PIK3C2G: variants seen among roughly 807,000 people sequenced by gnomAD.
The protein encoded by PIK3C2G is phosphatidylinositol 3-kinase C2 domain-containing subunit gamma.
PIK3C2G carries 168 observed loss-of-function variants against 181.1 expected under a neutral mutation model. The observed-to-expected ratio is 0.93, with a 90% CI of 0.82 to 1.05. The LOEUF (loss-of-function observed/expected upper bound fraction) is 1.05, where lower values mean the gene tolerates loss of function less well. PIK3C2G is among the 50% of genes least tolerant of loss of function. PIK3C2G has a pLI of 0.00. For synonymous variants in PIK3C2G, 573 were observed against 592.2 expected, an observed-to-expected ratio of 0.97 and a Z score of 0.47; for missense variants, 1,869 against 1,732.8, an observed-to-expected ratio of 1.08 and a Z score of -1.40.
chr12:18,435,652 C>T (rs1387635943), intron 18 of PIK3C2G, among the ~76,000 whole-genome samples: 1 of 152,038 alleles, frequency 6.6e-6, no homozygotes, highest in Non-Finnish European at 1.5e-5. Flanking sequence ...ATCTTGTAAG[C>T]CTTTCTACAT....
At chr12:18,354,397 GCTCCCCTGTGGGAGGTGT>G (rs1249650011) in intron 11 of PIK3C2G, among the ~76,000 whole-genome samples, 1 of 152,194 alleles carries the variant, frequency 6.6e-6, no homozygotes, top group East Asian at 1.9e-4. Context: ...AAGGGAGCTG[GCTCCCCTGTGGGAGGTGT>G]CTCTGGGGTT....
the PIK3C2G span, chr12:18,683,767 T>C: frequency 1.8e-6 from 1 of 565,354 alleles, no homozygotes. Flanking sequence ...GCTCCCAATC[T>C]CTTCTCCTCA....
At chr12:18,369,007 G>A (rs1436232284) in intron 12 of PIK3C2G, among the ~76,000 whole-genome samples, 1 of 152,160 alleles carries the variant, frequency 6.6e-6, no homozygotes, top group East Asian at 1.9e-4. Context: ...GTGAACCTCA[G>A]TCCGCACCTT....
chr12:18,550,934 C>T (rs1257100642), intron 26 of PIK3C2G, among the ~76,000 whole-genome samples: 2 of 152,034 alleles, frequency 1.3e-5, no homozygotes, highest in Non-Finnish European at 2.9e-5. Context: ...ACAGCTTTTT[C>T]CTGCCTCTTG....
At chr12:18,563,087 A>G (rs1049450285) in intron 27 of PIK3C2G, among the ~76,000 whole-genome samples, 195 bp downstream of exon 27, 7 of 152,242 alleles carry the variant, frequency 4.6e-5, no homozygotes, top group Non-Finnish European at 8.8e-5. Context: ...TGAGTAGAGA[A>G]CCATCAAAGA....
At chr12:18,693,321 G>T in the PIK3C2G span, 185 of 1,546,316 alleles carry the variant, frequency 1.2e-4, 1 homozygote, top group African/African-American at 2.4e-3. Flanking sequence ...GGCCCCCCAA[G>T]AGACCTATGC....
At chr12:18,679,739 T>C in the PIK3C2G span, among the ~76,000 whole-genome samples, 1 of 151,928 alleles carries the variant, frequency 6.6e-6, no homozygotes, top group East Asian at 1.9e-4. Context: ...GCGAGAAGAA[T>C]GGAAAAGATG....
At chr12:18,416,737 C>A (rs919851596) in intron 16 of PIK3C2G, among the ~76,000 whole-genome samples, 7 of 152,150 alleles carry the variant, frequency 4.6e-5, no homozygotes, top group African/African-American at 1.7e-4. Context: ...AAAAAAGATT[C>A]TTTTCAAAAT....
upstream of PIK3C2G, among the ~76,000 whole-genome samples, chr12:18,258,335 A>G (rs2136981590): frequency 6.6e-6 from 1 of 152,154 alleles, no homozygotes; most frequent in Non-Finnish European, 1.5e-5. Context: ...CAAGTATACA[A>G]TACATTGCTT....
In PIK3C2G at chr12:18,609,586, A is replaced by C; in HGVS notation, c.4139A>C (p.Glu1380Ala). The C allele has an allele frequency of 1.9e-6, 3 of 1,588,168 alleles. No individual in the cohort carries two copies. Among genetic ancestry groups the C allele is most frequent in the Non-Finnish European group, 2.6e-6 (3 of 1,165,588 alleles). Residue 1380 changes from glutamate to alanine, a missense_variant, in exon 31 of 33, where the codon GAG (glutamate) becomes GCG (alanine). Transcript: ENST00000538779. ...AAGGTGCAGTTAGTCATATCCTACGAGGATGTGAAGCTGACCATACTAGTG... is the reference window on the plus strand; with the variant it reads ...AAGGTGCAGTTAGTCATATCCTACGCGGATGTGAAGCTGACCATACTAGTG... ...KPKVQLVISYEDVKLTILVKH... is the reference protein window; with the variant it reads ...KPKVQLVISYADVKLTILVKH...
intron 18 of PIK3C2G, 71 bp from the exon 19 acceptor site, chr12:18,488,378 C>A (rs1311047700): frequency 2.0e-6 from 2 of 1,025,396 alleles, no homozygotes; most frequent in East Asian, 2.9e-5. Context: ...AATGCACTTA[C>A]TGTTCCGGCT....
At chr12:18,578,176 A>C (rs779268672) in intron 29 of PIK3C2G, among the ~76,000 whole-genome samples, 1 of 152,118 alleles carries the variant, frequency 6.6e-6, no homozygotes, top group African/African-American at 2.4e-5. Flanking sequence ...GGGAAACTCT[A>C]CCCCAGAAAG....
chr12:18,721,940 C>T, the PIK3C2G span, among the ~76,000 whole-genome samples: 1 of 151,964 alleles, frequency 6.6e-6, no homozygotes, highest in East Asian at 1.9e-4. Flanking sequence ...TTATTGTGGC[C>T]TATAAGAACC....
At chr12:18,361,598 T>G (rs924153103) in intron 11 of PIK3C2G, among the ~76,000 whole-genome samples, 1 of 152,148 alleles carries the variant, frequency 6.6e-6, no homozygotes, top group Non-Finnish European at 1.5e-5. Context: ...ACCTTTCATA[T>G]GAGCACATCT....
chr12:18,588,008 T>G (rs1352863695), intron 29 of PIK3C2G, among the ~76,000 whole-genome samples: 1 of 151,870 alleles, frequency 6.6e-6, no homozygotes, highest in Non-Finnish European at 1.5e-5. Context: ...GGGAAAGCAC[T>G]CCCTATTCAA....
At chr12:18,319,657 C>G (rs981897206) in intron 6 of PIK3C2G, among the ~76,000 whole-genome samples, 3 of 152,132 alleles carry the variant, frequency 2.0e-5, no homozygotes, top group African/African-American at 7.2e-5. Flanking sequence ...AAAGATGTAA[C>G]TAAGTATATT....
chr12:18,534,815 G>GAA (rs148775105), intron 24 of PIK3C2G, among the ~76,000 whole-genome samples: 18 of 123,752 alleles, frequency 1.5e-4, no homozygotes, highest in African/African-American at 2.3e-4. Context: ...AGAGAGAGAT[G>GAA]AAAAAAAAAA....
rs181106027 is a variant in PIK3C2G at position 18,548,821 on chromosome 12, T to G, written c.3590+2389T>G. Reference sequence around the variant, plus strand: ...TCATTTCTCAGTTCAATAATTTTCCTTGGTGTGCCATCTCCTGTCTCTCAC... The same window carrying G: ...TCATTTCTCAGTTCAATAATTTTCCGTGGTGTGCCATCTCCTGTCTCTCAC... On this transcript the variant is annotated intron_variant, in intron 26 of 32. Transcript: ENST00000538779. Among the ~76,000 whole-genome samples, 522 of 152,176 alleles carry G rather than the reference T, an allele frequency of 3.4e-3. 4 individuals are homozygous for G. Among genetic ancestry groups the G allele is most frequent in the African/African-American group, 0.012 (494 of 41,564 alleles).
chr12:18,627,528 A>G (rs1230256207), intron 31 of PIK3C2G, among the ~76,000 whole-genome samples: 1 of 152,092 alleles, frequency 6.6e-6, no homozygotes, highest in East Asian at 1.9e-4. Flanking sequence ...TTTGACAGAG[A>G]TAGACCTGTG....
Sources: gnomAD v4.1 joint callset for allele counts (sites outside exome capture counted in the v4.1 genomes callset) on GRCh38, gnomAD v4.1.1 for gene constraint, MANE v1.5 for transcripts, NCBI Gene and HGNC (gene_info 2026-07-23, HGNC 2026-07-21) for gene names.